Variants in DPP10 observed in about 807,000 individuals in gnomAD.
The protein encoded by DPP10 is inactive dipeptidyl peptidase 10.
DPP10 carries 33 observed loss-of-function variants against 120.9 expected under a neutral mutation model. The observed-to-expected ratio is 0.27, with a 90% CI of 0.21 to 0.37. The LOEUF (loss-of-function observed/expected upper bound fraction) is 0.37, where lower values mean the gene tolerates loss of function less well. DPP10 is among the 10% of genes least tolerant of loss of function. The pLI is 1.00. For synonymous variants in DPP10, 337 were observed against 326.1 expected, an observed-to-expected ratio of 1.03 and a Z score of -0.36; for missense variants, 816 against 942.8, an observed-to-expected ratio of 0.87 and a Z score of 1.76.
At chr2:115,691,134 G>T (rs183265220) in intron 7 of DPP10, among the ~76,000 whole-genome samples, 79 of 151,480 alleles carry the variant, frequency 5.2e-4, no homozygotes, top group Admixed American at 5.1e-3. Context: ...TTAGTTAAAA[G>T]GAACCCCTTA....
chr2:115,326,721 TA>T (rs1187356836), intron 2 of DPP10, among the ~76,000 whole-genome samples: 1 of 151,868 alleles, frequency 6.6e-6, no homozygotes, highest in African/African-American at 2.4e-5. Context: ...TTTTTAAAAA[TA>T]AAAATATTAA....
intron 5 of DPP10, among the ~76,000 whole-genome samples, chr2:115,553,754 G>C (rs1461239965): frequency 1.3e-5 from 2 of 151,320 alleles, no homozygotes; most frequent in African/African-American, 4.8e-5. Flanking sequence ...CCATGATTTG[G>C]ATTCATGGCT....
At chr2:115,559,480 CTTAA>C (rs1187892082) in intron 5 of DPP10, among the ~76,000 whole-genome samples, 1 of 152,004 alleles carries the variant, frequency 6.6e-6, no homozygotes, top group Non-Finnish European at 1.5e-5. Context: ...TAAAGTCATT[CTTAA>C]TTGTTTTACC....
chr2:114,610,011 G>C (rs752507374), intron 1 of DPP10, among the ~76,000 whole-genome samples: 8 of 152,166 alleles, frequency 5.3e-5, no homozygotes, highest in Non-Finnish European at 8.8e-5. Flanking sequence ...TTCCAGAACA[G>C]AGAAAAGGCA....
chr2:114,688,665 G>C (rs1699527606), intron 1 of DPP10, among the ~76,000 whole-genome samples: 1 of 151,902 alleles, frequency 6.6e-6, no homozygotes, highest in Non-Finnish European at 1.5e-5. Flanking sequence ...CTGTAATCTT[G>C]GCATGTGAGG....
chr2:114,659,672 C>T (rs1396710082), intron 1 of DPP10, among the ~76,000 whole-genome samples: 1 of 152,136 alleles, frequency 6.6e-6, no homozygotes, highest in Admixed American at 6.5e-5. Context: ...TCTAGAAATA[C>T]ATGTTGAAGC....
chr2:115,513,490 A>G (rs1395311121), intron 4 of DPP10, among the ~76,000 whole-genome samples: 1 of 151,304 alleles, frequency 6.6e-6, no homozygotes, highest in African/African-American at 2.4e-5. Flanking sequence ...TTTGTTAGAT[A>G]TTTTCTGCTG....
intron 1 of DPP10, among the ~76,000 whole-genome samples, chr2:114,464,865 A>G (rs1679222296): frequency 6.6e-6 from 1 of 152,158 alleles, no homozygotes; most frequent in African/African-American, 2.4e-5. Context: ...ACTCCATCTC[A>G]AAAAAATAAT....
At chr2:115,656,404 T>G (rs1398711321) in intron 5 of DPP10, among the ~76,000 whole-genome samples, 1 of 151,540 alleles carries the variant, frequency 6.6e-6, no homozygotes, top group African/African-American at 2.4e-5. Flanking sequence ...TTCTGAGAGA[T>G]AAAAAGCTGA....
chr2:115,232,459 G>A (rs1343620093), intron 1 of DPP10, among the ~76,000 whole-genome samples: 1 of 152,148 alleles, frequency 6.6e-6, no homozygotes, highest in Non-Finnish European at 1.5e-5. Flanking sequence ...TGCTTACAAT[G>A]TTTCACTGAC....
intron 1 of DPP10, among the ~76,000 whole-genome samples, chr2:114,718,752 A>G (rs1701517309): frequency 6.6e-6 from 1 of 152,306 alleles, no homozygotes; most frequent in Middle Eastern, 3.4e-3. Flanking sequence ...CTAAATTTGT[A>G]AGGTGAGCTA....
intron 1 of DPP10, among the ~76,000 whole-genome samples, chr2:115,193,249 A>G (rs778155571): frequency 6.6e-5 from 10 of 152,148 alleles, no homozygotes; most frequent in Non-Finnish European, 1.5e-4. Context: ...TTAAACAACC[A>G]GTTAATTTAC....
chr2:115,370,031 A>G (rs1293959117), intron 3 of DPP10, among the ~76,000 whole-genome samples: 2 of 152,138 alleles, frequency 1.3e-5, no homozygotes, highest in Non-Finnish European at 1.5e-5. Flanking sequence ...GAAAAGCTGC[A>G]TGAAGGCTTT....
chr2:115,778,477 A>C (rs112370719), intron 15 of DPP10, among the ~76,000 whole-genome samples: 2 of 152,116 alleles, frequency 1.3e-5, no homozygotes, highest in Non-Finnish European at 2.9e-5. Context: ...ATGTCTCCTC[A>C]CTCAGAGAGC....
chr2:115,026,131 C>A (rs1421774641), intron 1 of DPP10, among the ~76,000 whole-genome samples: 1 of 152,006 alleles, frequency 6.6e-6, no homozygotes. Flanking sequence ...CTAACGTTTT[C>A]TTTTAGTAGT....
intron 19 of DPP10, among the ~76,000 whole-genome samples, chr2:115,805,713 T>A (rs1318214313): frequency 1.3e-5 from 2 of 152,044 alleles, no homozygotes; most frequent in Admixed American, 1.3e-4. Flanking sequence ...TAGCTAGGAT[T>A]ACAGGTGCCC....
At chr2:114,834,991 T>G (rs1687578188) in intron 1 of DPP10, among the ~76,000 whole-genome samples, 1 of 150,148 alleles carries the variant, frequency 6.7e-6, no homozygotes, top group Admixed American at 6.6e-5. Context: ...AAAAGACATA[T>G]CTACACACCT....
chr2:115,527,656 AAAC>A (rs1415490031), intron 5 of DPP10, among the ~76,000 whole-genome samples: 2 of 152,136 alleles, frequency 1.3e-5, no homozygotes, highest in Non-Finnish European at 2.9e-5. Flanking sequence ...GAACGGTTAA[AAAC>A]AACAACTATA....
intron 1 of DPP10, among the ~76,000 whole-genome samples, chr2:114,657,969 G>GA (rs1188853289): frequency 6.6e-6 from 1 of 152,114 alleles, no homozygotes; most frequent in Non-Finnish European, 1.5e-5. Context: ...TCTACCACCA[G>GA]AAAATGCTAA....
Sources: allele counts gnomAD v4.1 joint callset (sites outside exome capture counted in the v4.1 genomes callset), GRCh38; gene constraint gnomAD v4.1.1; transcripts MANE v1.5; gene names NCBI Gene and HGNC (gene_info 2026-07-23, HGNC 2026-07-21).